Variants in COL20A1 observed in about 807,000 individuals in gnomAD.
The protein encoded by COL20A1 is collagen type XX alpha 1 chain.
A neutral mutation model predicts 152.9 loss-of-function variants in COL20A1; 164 were observed. The ratio of observed to expected loss-of-function variants is 1.07; its 90% confidence interval spans 0.94 to 1.22. COL20A1 has a LOEUF of 1.22. Among genes scored for constraint, COL20A1 ranks in the 50% most tolerant of loss-of-function variants. COL20A1 has a pLI of 0.00. For synonymous variants in COL20A1, 864 were observed against 756.0 expected, an observed-to-expected ratio of 1.14 and a Z score of -2.34; for missense variants, 1,873 against 1,744.8, an observed-to-expected ratio of 1.07 and a Z score of -1.31.
At chr20:63,308,187 G>A (rs531833589) in intron 7 of COL20A1, 97 bp downstream of exon 7, 1 of 1,463,186 alleles carries the variant, frequency 6.8e-7, no homozygotes, top group South Asian at 1.3e-5. Context: ...CGAGCTCCAA[G>A]TGGTGTGGAC....
intron 2 of COL20A1, among the ~76,000 whole-genome samples, chr20:63,295,860 T>A (rs2067786797): frequency 6.6e-6 from 1 of 152,278 alleles, no homozygotes. Context: ...TCGGCCACGC[T>A]GTAAACTTGT....
chr20:63,329,973 G>A (rs945611088), intron 35 of COL20A1, among the ~76,000 whole-genome samples: 8 of 152,304 alleles, frequency 5.3e-5, no homozygotes, highest in East Asian at 1.9e-4. Context: ...GTGCTGGGGC[G>A]GAGGAGGCCC....
rs765067131 is a variant in COL20A1, at chr20:63,297,915, G to A, written c.88G>A (p.Gly30Ser). 2.9e-5 allele frequency: 47 copies of A among 1,612,972 alleles called. 1 individual carries two copies. The highest frequency in any genetic ancestry group is 2.0e-4 in the Admixed American group (12 of 59,960). Reference protein sequence around the residue: ...TLGREQVQASGLLRLAVLPED... With the variant: ...TLGREQVQASSLLRLAVLPED... ...ACTATGTCCTGTTTCTGTAGCAAGC[G>A]GTCTCCTGAGGCTGGCTGTGCTGCC... Residue 30 changes from glycine to serine, a missense_variant, in exon 3 of 36, where the codon GGT becomes AGT. Gly to Ser is a moderately conservative substitution (Grantham distance 56). Transcript: ENST00000358894.
intron 9 of COL20A1, 118 bp downstream of exon 9, chr20:63,309,615 G>A: frequency 6.5e-6 from 8 of 1,237,744 alleles, no homozygotes; most frequent in Non-Finnish European, 7.6e-6. Context: ...GCTCTGAGGG[G>A]GTCTGCAGCA....
Position 63,315,446 on chromosome 20 carries a change from C to A in COL20A1, c.2524+7C>A, listed in dbSNP as rs770292974. ...CCTGACGGCTCCCTCCCAGGTGGGT[C>A]CTGCATGCCCTCCCCTGCCTGCCCA... On this transcript the variant is annotated splice_region_variant and intron_variant, in intron 20 of 35. Coordinates refer to ENST00000358894, the MANE Select transcript of COL20A1 (RefSeq NM_020882.4). 1 of 1,568,586 alleles carries A rather than the reference C, an allele frequency of 6.4e-7. No homozygotes were observed. Among genetic ancestry groups the A allele is most frequent in the Non-Finnish European group, 8.6e-7 (1 of 1,161,948 alleles).
At position 63,313,316 on chromosome 20, in the gene COL20A1, AC is replaced by A. The variant is rs138924498; in HGVS notation, c.2209+70del. 7.0e-4 allele frequency: 1,058 copies of A among 1,515,008 alleles called. 2 individuals carry two copies. In the African/African-American group the frequency reaches 0.013, roughly 18 times the overall value. The allele number at this position is 1,515,008 out of a possible 1,614,324, so 93.8% of individuals were successfully genotyped here. A position where few individuals can be genotyped will look rare whatever the true frequency, so the allele number is the denominator to read the frequency against. ...GGATGGCCCAGGGGATCCCTGACTC[AC>A]CCGCTGCACAGGCCCAGGACCCTAG... On this transcript the variant is annotated intron_variant, in intron 17 of 35. Transcript: ENST00000358894. The surrounding 1 kb of genome is among the most constrained non-coding windows in gnomAD (Gnocchi z 5.9).
At chr20:63,314,243 C>A in intron 19 of COL20A1, 42 bp downstream of exon 19, 1 of 1,524,050 alleles carries the variant, frequency 6.6e-7, no homozygotes, top group South Asian at 1.2e-5. Flanking sequence ...AGACCCAGCC[C>A]CAGCCGGGCC....
Position 63,308,071 on chromosome 20 carries a change from G to A in COL20A1, c.756G>A (p.Lys252=), listed in dbSNP as rs769896596. 177 of 1,611,030 alleles carry A rather than the reference G, an allele frequency of 1.1e-4. No homozygotes were observed. In the Middle Eastern group the frequency reaches 1.2e-3, roughly 11 times the overall value. The part of the protein sequence containing the change: ...VLAAVRRLRY[K]GGNTFTGLAL... The stretch of plus-strand genomic sequence containing the variant: ...CAGCTGTGCGCCGCCTCCGCTACAA[G>A]GGGGGGAACACGTTCACAGGTACGG... Residue 252 remains lysine, a synonymous_variant, in exon 7 of 36, where the codon AAG becomes AAA. Coordinates refer to ENST00000358894, the MANE Select transcript of COL20A1 (RefSeq NM_020882.4).
At chr20:63,314,788 A>G (rs1286928775) in intron 19 of COL20A1, among the ~76,000 whole-genome samples, 1 of 151,514 alleles carries the variant, frequency 6.6e-6, no homozygotes, top group Non-Finnish European at 1.5e-5. Context: ...CTGCCCGCAC[A>G]CCAGGCATCT....
At chr20:63,322,229 G>A (rs2068174543) in intron 27 of COL20A1, 118 bp downstream of exon 27, 1 of 837,540 alleles carries the variant, frequency 1.2e-6, no homozygotes, top group Non-Finnish European at 1.8e-6. Flanking sequence ...CCTAGGCAGG[G>A]TGGGGTCTCC....
At chr20:63,310,809 C>T (rs1400620773) in intron 11 of COL20A1, among the ~76,000 whole-genome samples, 1 of 152,112 alleles carries the variant, frequency 6.6e-6, no homozygotes, top group East Asian at 1.9e-4. Context: ...GCCTCCAGCA[C>T]GTGGCTTAGC....
chr20:63,307,782 C>A, intron 6 of COL20A1, 134 bp downstream of exon 6: 2 of 1,214,126 alleles, frequency 1.6e-6, no homozygotes, highest in Non-Finnish European at 2.3e-6. Flanking sequence ...GCCTGCTCCA[C>A]ATGGGGTGTT....
chr20:63,320,983 C>T, intron 25 of COL20A1, 30 bp from the exon 26 acceptor site: 1 of 1,505,478 alleles, frequency 6.6e-7, no homozygotes, highest in African/African-American at 1.4e-5. Context: ...GAGAGGGTCT[C>T]TCTAATGGGC....
intron 1 of COL20A1, among the ~76,000 whole-genome samples, chr20:63,294,117 G>A (rs1333910183): frequency 4.2e-5 from 5 of 120,272 alleles, no homozygotes; most frequent in African/African-American, 6.6e-5. Context: ...CTCGGGGAGC[G>A]GGAGTGCAGG....
At chr20:63,310,596 A>C (rs1427947783) in intron 11 of COL20A1, 86 bp downstream of exon 11, 1 of 1,392,780 alleles carries the variant, frequency 7.2e-7, no homozygotes, top group Non-Finnish European at 9.7e-7. Flanking sequence ...CCAGGGCAGC[A>C]TAGCGAGCAG....
Position 63,310,455 on chromosome 20 carries a change from G to A in COL20A1, c.1338G>A (p.Val446=). Residue 446 remains valine, a synonymous_variant, in exon 11 of 36, where the codon GTG becomes GTA. Transcript: ENST00000358894. ...LASRTEYLVS[V]FPIYEGGVGE... is the part of the protein sequence containing the mutation. ...CCCGCACAGAGTACCTGGTCTCCGT[G>A]TTCCCCATCTATGAGGGCGGGGTTG... 1 of 1,609,418 alleles carries A rather than the reference G, an allele frequency of 6.2e-7. No individual in the cohort carries two copies. Among genetic ancestry groups the A allele is most frequent in the Non-Finnish European group, 8.5e-7 (1 of 1,178,600 alleles).
At chr20:63,317,482 AAAAAG>A (rs1299375098) in intron 21 of COL20A1, among the ~76,000 whole-genome samples, 15 of 152,008 alleles carry the variant, frequency 9.9e-5, no homozygotes, top group African/African-American at 3.1e-4. Context: ...AAAAAAAAAA[AAAAAG>A]AAGTTACAAA....
intron 27 of COL20A1, among the ~76,000 whole-genome samples, chr20:63,322,571 AG>A: frequency 6.6e-6 from 1 of 152,330 alleles, no homozygotes; most frequent in East Asian, 1.9e-4. Context: ...CGCGGCGTGC[AG>A]GGAGGTGTTT....
Position 63,319,480 on chromosome 20 carries a change from C to G in COL20A1, c.2807-7C>G. The G allele has an allele frequency of 6.4e-7, 1 of 1,562,182 alleles. No homozygotes were observed. The highest frequency in any genetic ancestry group is 1.2e-5 in the South Asian group (1 of 84,742). Reference sequence around the variant, plus strand: ...CGTTCTCACCTGCTCCACCCCTTCCCTGGCAGCCGGGAAGAAGTCCCTGAC... The same window carrying G: ...CGTTCTCACCTGCTCCACCCCTTCCGTGGCAGCCGGGAAGAAGTCCCTGAC... On this transcript the variant is annotated splice_polypyrimidine_tract_variant and splice_region_variant and intron_variant, in intron 22 of 35. Coordinates refer to ENST00000358894, the MANE Select transcript of COL20A1 (RefSeq NM_020882.4). This position sits in a 1 kb window ranked among gnomAD's most constrained non-coding sequence, Gnocchi z 4.4.
Sources: allele counts gnomAD v4.1 joint callset (sites outside exome capture counted in the v4.1 genomes callset), GRCh38; gene constraint gnomAD v4.1.1; non-coding constraint Gnocchi (gnomAD v3.1); transcripts MANE v1.5; gene names NCBI Gene and HGNC (gene_info 2026-07-23, HGNC 2026-07-21).